Variants in E2F7 observed in about 807,000 individuals in gnomAD.
The protein encoded by E2F7 is transcription factor E2F7.
E2F7 carries 35 observed loss-of-function variants against 81.1 expected under a neutral mutation model. The ratio of observed to expected loss-of-function variants is 0.43; its 90% CI spans 0.33 to 0.57. E2F7 has a LOEUF of 0.57. Ranked by LOEUF, E2F7 falls within the 20% of genes least tolerant of loss-of-function variation. E2F7 has a pLI of 0.04. For missense variants in E2F7, 961 were observed against 1,093.7 expected (o/e 0.88, Z 1.71); for synonymous variants, 416 against 416.2 (o/e 1.00, Z 0.01).
At chr12:77,062,810 G>T (rs1955088364) in intron 2 of E2F7, among the ~76,000 whole-genome samples, 1 of 150,718 alleles carries the variant, frequency 6.6e-6, no homozygotes, top group Non-Finnish European at 1.5e-5. Flanking sequence ...ACAAAGTTTT[G>T]CTCTAAAACT....
At chr12:77,042,375 A>T (rs1954901016) in intron 7 of E2F7, among the ~76,000 whole-genome samples, 1 of 152,242 alleles carries the variant, frequency 6.6e-6, no homozygotes, top group African/African-American at 2.4e-5. Context: ...TTACACCACT[A>T]ACACCAAAAT....
At chr12:77,063,735 A>C (rs1431581737) in intron 2 of E2F7, among the ~76,000 whole-genome samples, 1 of 152,240 alleles carries the variant, frequency 6.6e-6, no homozygotes, top group Non-Finnish European at 1.5e-5. Context: ...TCAAAGGCTC[A>C]TATGAGCCTG....
chr12:77,058,567 T>C (rs1955053066), intron 2 of E2F7, among the ~76,000 whole-genome samples: 2 of 152,054 alleles, frequency 1.3e-5, no homozygotes, highest in Non-Finnish European at 2.9e-5. Flanking sequence ...CATGGGGAAA[T>C]AGTTATATAC....
chr12:77,063,659 A>G (rs374335), intron 2 of E2F7, among the ~76,000 whole-genome samples: 52,712 of 152,052 alleles, frequency 0.35, 9,848 homozygotes, highest in African/African-American at 0.48. Context: ...GGACAAAAAA[A>G]AAATCCCTAG....
rs1954729320 is a variant in E2F7 at position 77,023,310 on chromosome 12, G to A, written c.*705C>T. 6.6e-6 allele frequency: 1 copy of A among 152,620 alleles called. No individual in the cohort carries two copies. Among genetic ancestry groups the A allele is most frequent in the South Asian group, 2.1e-4 (1 of 4,816 alleles). 9.5% of individuals were successfully genotyped at this position (152,620 alleles called of 1,614,324 possible). A position where few individuals can be genotyped will look rare whatever the true frequency, so the allele number is the denominator to read the frequency against. On this transcript the variant is annotated 3_prime_UTR_variant, in exon 13 of 13. Transcript: ENST00000322886. ...TCTTTGTTCTCAAGCCCACAGTCAG[G>A]GTTAGCACAGTTCATTTACAGCAAG...
intron 5 of E2F7, among the ~76,000 whole-genome samples, chr12:77,045,172 T>C (rs537900402): frequency 7.6e-4 from 115 of 152,162 alleles, no homozygotes; most frequent in Non-Finnish European, 1.3e-3. Flanking sequence ...GCCTCAACTC[T>C]CCTCTCAAAG....
intron 7 of E2F7, among the ~76,000 whole-genome samples, chr12:77,039,257 T>A (rs1954877409): frequency 6.6e-6 from 1 of 152,142 alleles, no homozygotes; most frequent in Admixed American, 6.5e-5. Context: ...ATTTCTTAGA[T>A]AAAAACTGAA....
rs889710598 is a variant in E2F7, at chr12:77,050,463, C to T, written c.538+113G>A. 3.7e-6 allele frequency: 4 copies of T among 1,071,566 alleles called. No homozygotes were observed. The African/African-American group carries it at 4.8e-5, about 13-fold the overall frequency. The allele number at this position is 1,071,566 out of a possible 1,614,324, so 66.4% of individuals were successfully genotyped here. A position where few individuals can be genotyped will look rare whatever the true frequency, so the allele number is the denominator to read the frequency against. ...GACAAAGGAAGCTCTGCCTGTTCCTCTGTCTTCACCCGATTGAGGGGCCCA... is the reference window on the plus strand; with the variant it reads ...GACAAAGGAAGCTCTGCCTGTTCCTTTGTCTTCACCCGATTGAGGGGCCCA... On this transcript the variant is annotated intron_variant, in intron 4 of 12. Transcript: ENST00000322886.
intron 3 of E2F7, among the ~76,000 whole-genome samples, chr12:77,055,169 C>A: frequency 6.6e-6 from 1 of 152,186 alleles, no homozygotes; most frequent in East Asian, 1.9e-4. Flanking sequence ...TAAATTCATT[C>A]TGTTCTATGA....
intron 9 of E2F7, among the ~76,000 whole-genome samples, chr12:77,031,566 G>A (rs926782545): frequency 4.0e-5 from 6 of 151,810 alleles, no homozygotes; most frequent in Non-Finnish European, 8.8e-5. Context: ...GCTTGAACCC[G>A]GGAGGCGGAG....
intron 7 of E2F7, among the ~76,000 whole-genome samples, chr12:77,038,684 G>C (rs1954872622): frequency 6.6e-6 from 1 of 152,102 alleles, no homozygotes. Context: ...AATGATTTCA[G>C]CTTCCACCTT....
At position 77,064,586 on chromosome 12, in the gene E2F7, G is replaced by A; in HGVS notation, c.50C>T (p.Pro17Leu). Residue 17 changes from proline (P) to leucine (L), a missense_variant, in exon 2 of 13, where the codon CCC becomes CTC. By Grantham distance (98) the Pro-to-Leu change is moderately conservative. Around this residue, in one of 3 missense-constraint regions of E2F7, gnomAD observed 73 missense variants for 68.4 expected, o/e 1.07. Transcript: ENST00000322886. ...ATCTTCAACTGCAAAATCTAGTCTG[G>A]GCTGCCTGGGGCTGATCAGGTCTTT... ...TLKDLISPRQPRLDFAVEDGE... is the reference protein window; with the variant it reads ...TLKDLISPRQLRLDFAVEDGE... The A allele has an allele frequency of 6.2e-7, 1 of 1,613,982 alleles. No individual in the cohort carries two copies. The highest frequency in any genetic ancestry group is 8.5e-7 in the Non-Finnish European group (1 of 1,179,962).
Position 77,023,093 on chromosome 12 carries a change from A to G in E2F7, c.*922T>C, listed in dbSNP as rs1407396827. ...TAATCACTTTCTACCATCCTGATTT[A>G]TTTTACAAACAGCAATTGTTAGAAG... On this transcript the variant is annotated 3_prime_UTR_variant, in exon 13 of 13. Coordinates refer to ENST00000322886, the MANE Select transcript of E2F7 (RefSeq NM_203394.3). 4 of 152,244 alleles carry G rather than the reference A, an allele frequency of 2.6e-5. No individual in the cohort carries two copies. Among genetic ancestry groups the G allele is most frequent in the Non-Finnish European group, 4.4e-5 (3 of 68,048 alleles). 9.4% of individuals were successfully genotyped at this position (152,244 alleles called of 1,614,324 possible).
intron 3 of E2F7, among the ~76,000 whole-genome samples, chr12:77,052,034 GA>G (rs1435116956): frequency 6.6e-6 from 1 of 152,066 alleles, no homozygotes; most frequent in Non-Finnish European, 1.5e-5. Context: ...CAAATAAATT[GA>G]AAAGACATCA....
rs375959695 is a variant in E2F7, at chr12:77,036,816, A to G, written c.1124-2774T>C. ...GAGTGCAGTGGCGCGATCTCGGCTC[A>G]CTGCAAGCTGCGCCTCCCGGGTTCA... is the stretch of plus-strand genomic sequence containing the variant. On this transcript the variant is annotated intron_variant, in intron 7 of 12. Transcript: ENST00000322886. Among the ~76,000 whole-genome samples, 280 of 150,334 alleles carry G rather than the reference A, an allele frequency of 1.9e-3. 2 individuals carry two copies. The highest frequency in any genetic ancestry group is 6.7e-3 in the African/African-American group (275 of 40,818).
intron 4 of E2F7, 32 bp from the exon 5 acceptor site, chr12:77,046,360 T>G: frequency 6.3e-7 from 1 of 1,590,868 alleles, no homozygotes; most frequent in South Asian, 1.1e-5. Flanking sequence ...ATGGACATCA[T>G]GCAGACAAAC....
rs1043531428 is a variant in E2F7 at position 77,037,986 on chromosome 12, C to A, written c.1124-3944G>T. Among the ~76,000 whole-genome samples, 3 of 152,046 alleles carry A rather than the reference C, an allele frequency of 2.0e-5. No individual in the cohort carries two copies. The East Asian group carries it at 5.8e-4, about 29-fold the overall frequency. ...ATTATGCTAACTAATAAAAAGAAAG[C>A]TGAAGTGACTATATCACTATGAGAC... On this transcript the variant is annotated intron_variant, in intron 7 of 12. Coordinates refer to ENST00000322886, the MANE Select transcript of E2F7 (RefSeq NM_203394.3).
intron 7 of E2F7, 95 bp downstream of exon 7, chr12:77,042,970 A>G (rs1954906106): frequency 3.8e-6 from 6 of 1,568,704 alleles, no homozygotes; most frequent in Non-Finnish European, 1.7e-6. Context: ...GACATGGGAA[A>G]AAGATCAGTC....
At chr12:77,035,803 A>G (rs534158790) in intron 7 of E2F7, among the ~76,000 whole-genome samples, 5 of 152,322 alleles carry the variant, frequency 3.3e-5, no homozygotes, top group African/African-American at 1.2e-4. Flanking sequence ...ATATACTAGT[A>G]TTGCATACCA....
Sources: gnomAD v4.1 joint callset for allele counts (sites outside exome capture counted in the v4.1 genomes callset) on GRCh38, gnomAD v4.1.1 for gene constraint, gnomAD v4.1.1 regional missense constraint, MANE v1.5 for transcripts, NCBI Gene and HGNC (gene_info 2026-07-23, HGNC 2026-07-21) for gene names.